The following CADM1 variants were observed in gnomAD, a reference collection of about 807,000 sequenced individuals.
CADM1 encodes the protein TSLC-1.
Under a neutral mutation model 53.1 loss-of-function variants are expected in CADM1, and 15 were observed. The observed-to-expected ratio is 0.28, with a 90% CI of 0.19 to 0.44. CADM1 has a LOEUF of 0.44. CADM1 is among the 20% of genes least tolerant of loss of function. CADM1 has a pLI of 1.00. For synonymous variants in CADM1, 281 were observed against 243.0 expected, an observed-to-expected ratio of 1.16 and a Z score of -1.45; for missense variants, 434 against 611.3, an observed-to-expected ratio of 0.71 and a Z score of 3.06.
rs11215477 is a variant in CADM1 at position 115,303,157 on chromosome 11, T to C, written c.125-62737A>G. Among the ~76,000 whole-genome samples the C allele has an allele frequency of 5.1e-3, 781 of 152,158 alleles. 9 individuals carry two copies. Among genetic ancestry groups the C allele is most frequent in the African/African-American group, 0.018 (749 of 41,530 alleles). ...GCCAGCCAAGTATACATTCTCTTCT[T>C]AATAACCTTAAATCCTGTCCTCCTT... On this transcript the variant is annotated intron_variant, in intron 1 of 11. Transcript: ENST00000331581.
At chr11:115,434,863 ATTT>A (rs71066429) in intron 1 of CADM1, among the ~76,000 whole-genome samples, 3 of 128,736 alleles carry the variant, frequency 2.3e-5, no homozygotes, top group African/African-American at 8.9e-5. Flanking sequence ...TATTATTATT[ATTT>A]TTTTTTTTTT....
At chr11:115,218,932 A>G (rs571547070) in intron 5 of CADM1, among the ~76,000 whole-genome samples, 1 of 152,364 alleles carries the variant, frequency 6.6e-6, no homozygotes, top group South Asian at 2.1e-4. Flanking sequence ...AGATACACAT[A>G]CAAATACATT....
Position 115,377,797 on chromosome 11 carries a change from G to A in CADM1, c.124+126474C>T, listed in dbSNP as rs1946476994. On this transcript the variant is annotated intron_variant, in intron 1 of 11. Transcript: ENST00000331581. ...GCAAGCTTCAGTGTGAAAGAGACAA[G>A]TATCCATGTGTCAGATGACAGAGTT... 2.0e-5 allele frequency: 3 copies of A among 152,166 alleles called. No individual in the cohort carries two copies. The South Asian group carries it at 6.2e-4, about 31-fold the overall frequency. 9.4% of individuals were successfully genotyped at this position (152,166 alleles called of 1,614,324 possible).
intron 1 of CADM1, among the ~76,000 whole-genome samples, chr11:115,357,469 C>G (rs965937557): frequency 6.6e-6 from 1 of 152,112 alleles, no homozygotes; most frequent in African/African-American, 2.4e-5. Context: ...TCTATACAGG[C>G]CATAAGGAGA....
intron 4 of CADM1, among the ~76,000 whole-genome samples, chr11:115,230,237 A>G (rs763606444): frequency 1.3e-5 from 2 of 152,188 alleles, no homozygotes; most frequent in Non-Finnish European, 2.9e-5. Flanking sequence ...AGATTTCTAT[A>G]TCCTCTTTCT....
At chr11:115,406,434 A>G (rs192644595) in intron 1 of CADM1, among the ~76,000 whole-genome samples, 68 of 151,162 alleles carry the variant, frequency 4.5e-4, no homozygotes, top group African/African-American at 1.4e-3. Context: ...TCCCATTTCC[A>G]TAATAAATTT....
chr11:115,484,083 T>A (rs532830627), intron 1 of CADM1, among the ~76,000 whole-genome samples: 10 of 152,136 alleles, frequency 6.6e-5, no homozygotes, highest in Non-Finnish European at 1.2e-4. Context: ...GTCCTTTACA[T>A]AAAGGAGTTA....
chr11:115,188,544 T>C (rs533790408), intron 10 of CADM1, among the ~76,000 whole-genome samples: 4 of 152,030 alleles, frequency 2.6e-5, no homozygotes, highest in Non-Finnish European at 5.9e-5. Context: ...AAAAGGAAAA[T>C]AGACCATCAT....
chr11:115,219,359 C>T (rs143675403), intron 5 of CADM1, among the ~76,000 whole-genome samples: 139 of 152,298 alleles, frequency 9.1e-4, no homozygotes, highest in African/African-American at 3.2e-3. Flanking sequence ...TCTTTCCTAT[C>T]ACAAATCTTT....
chr11:115,305,061 A>G (rs1252557185), intron 1 of CADM1, among the ~76,000 whole-genome samples: 1 of 152,034 alleles, frequency 6.6e-6, no homozygotes, highest in Non-Finnish European at 1.5e-5. Flanking sequence ...CCTAGACAGG[A>G]GACATAGAAG....
chr11:115,404,019 T>G (rs1253659596), intron 1 of CADM1, among the ~76,000 whole-genome samples: 2 of 151,366 alleles, frequency 1.3e-5, no homozygotes, highest in Non-Finnish European at 2.9e-5. Flanking sequence ...CAACCAGATA[T>G]CCTCATAGAA....
At chr11:115,477,061 C>T (rs181520063) in intron 1 of CADM1, among the ~76,000 whole-genome samples, 154 of 151,904 alleles carry the variant, frequency 1.0e-3, no homozygotes, top group African/African-American at 3.7e-3. Context: ...AGAACAGAGT[C>T]GGGCAGGATA....
intron 1 of CADM1, among the ~76,000 whole-genome samples, chr11:115,460,311 C>A (rs951338962): frequency 2.0e-5 from 3 of 152,214 alleles, no homozygotes; most frequent in Non-Finnish European, 4.4e-5. Context: ...ACAACGTGAA[C>A]AGCTCTTAAA....
chr11:115,326,250 C>G (rs1944956399), intron 1 of CADM1, among the ~76,000 whole-genome samples: 1 of 152,168 alleles, frequency 6.6e-6, no homozygotes, highest in African/African-American at 2.4e-5. Context: ...ATTATCAACA[C>G]TGATTTCTAA....
chr11:115,329,549 G>C (rs554401391), intron 1 of CADM1, among the ~76,000 whole-genome samples: 106 of 152,210 alleles, frequency 7.0e-4, no homozygotes, highest in African/African-American at 2.4e-3. Flanking sequence ...CAGGAGCCGG[G>C]GAGAGCACTT....
chr11:115,295,443 G>A (rs369161490), intron 1 of CADM1, among the ~76,000 whole-genome samples: 3 of 144,270 alleles, frequency 2.1e-5, no homozygotes, highest in South Asian at 4.5e-4. Context: ...TGGACTATTA[G>A]GATCTCCCAG....
rs10565366 is a variant in CADM1 at position 115,174,266 on chromosome 11, ATTTTTTT to A, written c.*2201_*2207del. ...TGCCAATTCTGTGAGCAATGGTGTG[ATTTTTTT>A]TTTTTGTTTTTGTTTTTGTTTTTCT... is the stretch of plus-strand genomic sequence containing the variant. On this transcript the variant is annotated 3_prime_UTR_variant, in exon 12 of 12. Coordinates refer to ENST00000331581, the MANE Select transcript of CADM1 (RefSeq NM_001301043.2). 239,107 of 906,270 alleles carry A rather than the reference ATTTTTTT, an allele frequency of 0.26. 30,365 individuals carry two copies. Among genetic ancestry groups the A allele is most frequent in the South Asian group, 0.35 (6,867 of 19,720 alleles). 56.1% of individuals were successfully genotyped at this position (906,270 alleles called of 1,614,324 possible). A position where few individuals can be genotyped will look rare whatever the true frequency, so the allele number is the denominator to read the frequency against.
At chr11:115,438,756 G>T (rs948089953) in intron 1 of CADM1, among the ~76,000 whole-genome samples, 5 of 152,060 alleles carry the variant, frequency 3.3e-5, no homozygotes, top group Admixed American at 2.0e-4. Flanking sequence ...GCTTTAGTTG[G>T]ATATTGATTA....
At position 115,435,701 on chromosome 11, in the gene CADM1, A is replaced by G. The variant is rs150264240; in HGVS notation, c.124+68570T>C. Among the ~76,000 whole-genome samples the G allele has an allele frequency of 1.3e-3, 203 of 152,336 alleles. 2 individuals carry two copies. In the East Asian group the frequency reaches 0.019, roughly 14 times the overall value. ...TGAGCCAAGTGCACCACTGCACTCTAGCCTGGGCCATAGAGTGAGACTCCG... is the reference window on the plus strand; with the variant it reads ...TGAGCCAAGTGCACCACTGCACTCTGGCCTGGGCCATAGAGTGAGACTCCG... On this transcript the variant is annotated intron_variant, in intron 1 of 11. Transcript: ENST00000331581.
Sources: gnomAD v4.1 joint callset for allele counts (sites outside exome capture counted in the v4.1 genomes callset) on GRCh38, gnomAD v4.1.1 for gene constraint, MANE v1.5 for transcripts, NCBI Gene and HGNC (gene_info 2026-07-23, HGNC 2026-07-21) for gene names.